Variants in CLASRP observed in about 807,000 individuals in gnomAD.
The protein encoded by CLASRP is CLK4 associating serine/arginine rich protein, also known as CLK4-associating serine/arginine rich protein.
Under a neutral mutation model 99.9 loss-of-function variants are expected in CLASRP, and 52 were observed. The ratio of observed to expected loss-of-function variants is 0.52; its 90% CI spans 0.42 to 0.66. CLASRP has a LOEUF of 0.66. CLASRP is among the 30% of genes least tolerant of loss of function. The pLI is 0.00. For missense variants in CLASRP, 848 were observed against 999.2 expected, an observed-to-expected ratio of 0.85 and a Z score of 2.04; for synonymous variants, 379 against 373.0, an observed-to-expected ratio of 1.02 and a Z score of -0.18.
chr19:45,064,367 C>T lies in CLASRP; in HGVS notation c.1146C>T (p.Ser382=). The change falls in exon 13 of 21, where the codon TCC becomes TCT. Residue 382 remains serine, a synonymous_variant. Transcript: ENST00000221455. ...SARRRSSSSS[S]SSSASRTSSS... Reference sequence around the variant, plus strand: ...GCCGCCGCTCCTCCTCCTCCTCCTCCTCCTCTTCTGCCTCGAGGACCTCCA... The same window carrying T: ...GCCGCCGCTCCTCCTCCTCCTCCTCTTCCTCTTCTGCCTCGAGGACCTCCA... 1 of 1,533,726 alleles carries T rather than the reference C, an allele frequency of 6.5e-7. No individual in the cohort carries two copies. The highest frequency in any genetic ancestry group is 8.7e-7 in the Non-Finnish European group (1 of 1,144,576).
In CLASRP at chr19:45,060,427, A is replaced by T. The variant is rs1966913501; in HGVS notation, c.749A>T (p.Lys250Met). Reference sequence around the variant, plus strand: ...GACAAGGAGGAGGCAGAGGCCATCAAGCATGCCAAGGCTCTTGAGGAGGAG... The same window carrying T: ...GACAAGGAGGAGGCAGAGGCCATCATGCATGCCAAGGCTCTTGAGGAGGAG... ...RKDKEEAEAI[K>M]HAKALEEEKA... The change falls in exon 9 of 21, where the codon AAG (lysine) becomes ATG (methionine). Residue 250 changes from lysine to methionine, a missense_variant. By Grantham distance (95) the Lys-to-Met change is moderately conservative. Transcript: ENST00000221455. This position sits in a 1 kb window ranked among gnomAD's most constrained non-coding sequence, Gnocchi z 4.6. 6.2e-7 allele frequency: 1 copy of T among 1,614,070 alleles called. No homozygotes were observed. The highest frequency in any genetic ancestry group is 1.1e-5 in the South Asian group (1 of 91,088).
chr19:45,058,060 C>A (rs1972155461), intron 7 of CLASRP, 162 bp downstream of exon 7: 2 of 813,622 alleles, frequency 2.5e-6, no homozygotes, highest in Admixed American at 2.6e-5. Flanking sequence ...TCACTCCTGT[C>A]CTCCTCCGTT....
At chr19:45,045,184 A>T in intron 2 of CLASRP, among the ~76,000 whole-genome samples, 1 of 152,152 alleles carries the variant, frequency 6.6e-6, no homozygotes. Context: ...GGGAGGAAAA[A>T]GGGAGGAAAA....
At position 45,064,126 on chromosome 19, in the gene CLASRP, C is replaced by CGCAGCCGCT. The variant is rs1967009734; in HGVS notation, c.1023_1031dup (p.Ala346_Ala348dup). 6.2e-7 allele frequency: 1 copy of CGCAGCCGCT among 1,610,278 alleles called. No homozygotes were observed. The highest frequency in any genetic ancestry group is 8.5e-7 in the Non-Finnish European group (1 of 1,179,190). On this transcript the variant is annotated inframe_insertion, in exon 12 of 21. Transcript: ENST00000221455. ...TTGGGGGCAGCGATGAGGAGGCAGC[C>CGCAGCCGCT]GCAGCCGCTGCTGCCGCAGCAGCAT...
rs961886791 is a variant in CLASRP at position 45,060,071 on chromosome 19, T to G, written c.711-318T>G. 6.6e-6 allele frequency among the ~76,000 whole-genome samples: 1 copy of G among 152,208 alleles called. No individual in the cohort carries two copies. Among genetic ancestry groups the G allele is most frequent in the Non-Finnish European group, 1.5e-5 (1 of 68,032 alleles). Reference sequence around the variant, plus strand: ...TGTGTGGCTTCCCTGAGCTCCCTCTTGAAAACTGCAGCTTCCTCTGCCTTT... The same window carrying G: ...TGTGTGGCTTCCCTGAGCTCCCTCTGGAAAACTGCAGCTTCCTCTGCCTTT... On this transcript the variant is annotated intron_variant, in intron 8 of 20. Transcript: ENST00000221455. The surrounding 1 kb of genome is among the most constrained non-coding windows in gnomAD (Gnocchi z 4.6).
intron 2 of CLASRP, among the ~76,000 whole-genome samples, chr19:45,046,377 T>C (rs898045547): frequency 6.6e-6 from 1 of 152,136 alleles, no homozygotes; most frequent in Non-Finnish European, 1.5e-5. Flanking sequence ...TTTTAATCAG[T>C]GGTTTGGATA....
intron 6 of CLASRP, 76 bp downstream of exon 6, chr19:45,056,610 A>G (rs575761511): frequency 5.9e-6 from 7 of 1,181,402 alleles, no homozygotes; most frequent in East Asian, 2.3e-5. Context: ...GGCCTCTTCC[A>G]TCCTGTCCAC....
At chr19:45,063,854 C>T (rs561710821) in intron 11 of CLASRP, among the ~76,000 whole-genome samples, 158 bp from the exon 12 acceptor site, 2 of 152,310 alleles carry the variant, frequency 1.3e-5, no homozygotes, top group East Asian at 3.9e-4. Flanking sequence ...AGTCCTTGTC[C>T]AGAGCTGGGT....
intron 16 of CLASRP, among the ~76,000 whole-genome samples, chr19:45,068,859 T>C (rs1012898439): frequency 7.9e-5 from 12 of 151,860 alleles, no homozygotes; most frequent in Non-Finnish European, 1.5e-4. Context: ...GGCATGTTGG[T>C]GGGCGCCTGT....
Position 45,056,505 on chromosome 19 carries a change from C to A in CLASRP, c.435C>A (p.Leu145=). Reference sequence around the variant, plus strand: ...ACATTGATGAGTTGTACGGAGGCCTCCAGAGACCCAGCGAAGATGAGAAGA... The same window carrying A: ...ACATTGATGAGTTGTACGGAGGCCTACAGAGACCCAGCGAAGATGAGAAGA... ...QIYIDELYGG[L]QRPSEDEKKK... is the part of the protein sequence containing the mutation. Residue 145 remains leucine, a synonymous_variant, in exon 6 of 21, where the codon CTC becomes CTA. Coordinates refer to ENST00000221455, the MANE Select transcript of CLASRP (RefSeq NM_007056.3). 2 of 1,613,864 alleles carry A rather than the reference C, an allele frequency of 1.2e-6. No homozygotes were observed. Among genetic ancestry groups the A allele is most frequent in the South Asian group, 2.2e-5 (2 of 91,080 alleles).
chr19:45,039,334 A>G (rs1255738150), intron 1 of CLASRP, among the ~76,000 whole-genome samples: 1 of 150,642 alleles, frequency 6.6e-6, no homozygotes, highest in Admixed American at 6.6e-5. Context: ...CCAGCAGCTT[A>G]TCACAGGCCC....
intron 19 of CLASRP, among the ~76,000 whole-genome samples, 200 bp downstream of exon 19, chr19:45,070,304 T>C (rs1390156697): frequency 6.6e-6 from 1 of 150,718 alleles, no homozygotes; most frequent in Non-Finnish European, 1.5e-5. Flanking sequence ...CACACATACG[T>C]ACACACACAC....
intron 2 of CLASRP, among the ~76,000 whole-genome samples, chr19:45,048,368 C>G (rs560271725): frequency 2.4e-4 from 36 of 150,910 alleles, no homozygotes; most frequent in Admixed American, 4.0e-4. Flanking sequence ...AATCCCGTCT[C>G]TACTAAAAAT....
intron 13 of CLASRP, among the ~76,000 whole-genome samples, chr19:45,066,327 C>G (rs746666174): frequency 6.6e-6 from 1 of 152,080 alleles, no homozygotes; most frequent in African/African-American, 2.4e-5. Flanking sequence ...ACTGTGTTGG[C>G]CAGGCTGGTC....
In CLASRP at chr19:45,067,002, G is replaced by T. The variant is rs541532860; in HGVS notation, c.1410-335G>T. Among the ~76,000 whole-genome samples the T allele has an allele frequency of 6.6e-6, 1 of 152,290 alleles. No homozygotes were observed. Among genetic ancestry groups the T allele is most frequent in the African/African-American group, 2.4e-5 (1 of 41,570 alleles). On this transcript the variant is annotated intron_variant, in intron 13 of 20. Transcript: ENST00000221455. This position sits in a 1 kb window ranked among gnomAD's most constrained non-coding sequence, Gnocchi z 4.9. The stretch of plus-strand genomic sequence containing the variant: ...CACTGTTGTGCCTGAGCTGGACACG[G>T]CTCATAAAGGGGGAGCCAGCCATCC...
At chr19:45,062,594 G>GA (rs1966965944) in intron 11 of CLASRP, among the ~76,000 whole-genome samples, 1 of 152,152 alleles carries the variant, frequency 6.6e-6, no homozygotes, top group South Asian at 2.1e-4. Context: ...TGTTAGCCAG[G>GA]ATGGTCTCAA....
At chr19:45,056,772 C>G (rs1972127199) in intron 6 of CLASRP, among the ~76,000 whole-genome samples, 1 of 152,220 alleles carries the variant, frequency 6.6e-6, no homozygotes, top group South Asian at 2.1e-4. Context: ...GGTGCAGGCC[C>G]TGTGGTGAGA....
chr19:45,060,639 C>T lies in CLASRP; in HGVS notation c.863+12C>T, dbSNP rs762309734. ...ATCAGCCCACCCAGGTAGGGCTTCT[C>T]CCTGAACCCCCACCCTGCTGGCATC... On this transcript the variant is annotated intron_variant, in intron 10 of 20. Coordinates refer to ENST00000221455, the MANE Select transcript of CLASRP (RefSeq NM_007056.3). The surrounding 1 kb of genome is among the most constrained non-coding windows in gnomAD (Gnocchi z 4.6). 7 of 1,569,492 alleles carry T rather than the reference C, an allele frequency of 4.5e-6. No homozygotes were observed. Among genetic ancestry groups the T allele is most frequent in the Admixed American group, 3.7e-5 (2 of 54,514 alleles).
intron 4 of CLASRP, 102 bp downstream of exon 4, chr19:45,052,994 G>C (rs1972054191): frequency 6.5e-7 from 1 of 1,527,302 alleles, no homozygotes; most frequent in Non-Finnish European, 9.0e-7. Context: ...GTTCCTATTT[G>C]GTACCGCCCT....
Sources: gnomAD v4.1 joint callset for allele counts (sites outside exome capture counted in the v4.1 genomes callset) on GRCh38, gnomAD v4.1.1 for gene constraint, Gnocchi (gnomAD v3.1) non-coding constraint, MANE v1.5 for transcripts, NCBI Gene and HGNC (gene_info 2026-07-23, HGNC 2026-07-21) for gene names.